Variants in PBX3 observed in about 807,000 individuals in gnomAD.
PBX3 encodes pre-B-cell leukemia transcription factor 3.
PBX3 carries 14 observed loss-of-function variants against 48.5 expected under a neutral mutation model. The observed-to-expected ratio is 0.29, with a 90% CI of 0.19 to 0.45. The LOEUF (loss-of-function observed/expected upper bound fraction) is 0.45, where lower values mean the gene tolerates loss of function less well. PBX3 is among the 20% of genes least tolerant of loss of function. The pLI is 1.00. For missense variants in PBX3, 386 were observed against 546.7 expected (o/e 0.71, Z 2.93); for synonymous variants, 210 against 200.3 (o/e 1.05, Z -0.41).
intron 2 of PBX3, among the ~76,000 whole-genome samples, chr9:125,888,721 A>G (rs1004259701): frequency 6.6e-6 from 1 of 152,168 alleles, no homozygotes; most frequent in Admixed American, 6.5e-5. Flanking sequence ...TTTCAGTCTA[A>G]ATGAATTCTA....
chr9:125,814,277 A>G (rs13291794), intron 2 of PBX3, among the ~76,000 whole-genome samples: 2,201 of 142,406 alleles, frequency 0.015, 29 homozygotes, highest in Non-Finnish European at 0.022. Flanking sequence ...ATTTTTCTAT[A>G]CTTTGAAAAG....
intron 2 of PBX3, among the ~76,000 whole-genome samples, chr9:125,886,319 T>A (rs1840500563): frequency 6.6e-6 from 1 of 152,112 alleles, no homozygotes; most frequent in Admixed American, 6.6e-5. Context: ...GCCTCTGATA[T>A]GGGAGGGGGA....
chr9:125,884,032 T>C (rs1404850917), intron 2 of PBX3, among the ~76,000 whole-genome samples: 1 of 152,202 alleles, frequency 6.6e-6, no homozygotes, highest in East Asian at 1.9e-4. Flanking sequence ...GATGAGCTTA[T>C]GTGTGAATAA....
At chr9:125,815,284 T>C (rs1838425300) in intron 2 of PBX3, among the ~76,000 whole-genome samples, 1 of 152,242 alleles carries the variant, frequency 6.6e-6, no homozygotes, top group Non-Finnish European at 1.5e-5. Flanking sequence ...TTCTCCTTCC[T>C]ATAGTCCCAC....
chr9:125,764,574 T>C lies in PBX3; in HGVS notation c.274+15951T>C, dbSNP rs535323536. Among the ~76,000 whole-genome samples the C allele has an allele frequency of 3.3e-5, 5 of 152,334 alleles. No individual in the cohort carries two copies. In the South Asian group the frequency reaches 1.0e-3, roughly 32 times the overall value. On this transcript the variant is annotated intron_variant, in intron 2 of 8. Coordinates refer to ENST00000373489, the MANE Select transcript of PBX3 (RefSeq NM_006195.6). ...AAGCAAGAATAAAGAGTTTATCGCC[T>C]TTTGGGGGAACTACATGCTATAAGA...
chr9:125,956,585 G>A (rs1048193857), intron 5 of PBX3, among the ~76,000 whole-genome samples: 5 of 152,190 alleles, frequency 3.3e-5, no homozygotes, highest in African/African-American at 1.2e-4. Flanking sequence ...TGCATAATGT[G>A]CACTACTCAT....
At chr9:125,787,889 G>A (rs569026742) in intron 2 of PBX3, among the ~76,000 whole-genome samples, 1 of 152,160 alleles carries the variant, frequency 6.6e-6, no homozygotes, top group Non-Finnish European at 1.5e-5. Context: ...ATGTGGCCCT[G>A]GGAGCTTGTG....
At chr9:125,791,470 G>A (rs1254447796) in intron 2 of PBX3, among the ~76,000 whole-genome samples, 2 of 151,924 alleles carry the variant, frequency 1.3e-5, no homozygotes, top group African/African-American at 4.8e-5. Flanking sequence ...ATTGCATCAT[G>A]GGGGGAGATT....
chr9:125,848,043 T>TG (rs1361758675), intron 2 of PBX3, among the ~76,000 whole-genome samples: 3 of 152,022 alleles, frequency 2.0e-5, no homozygotes, highest in Admixed American at 6.6e-5. Context: ...TCTAATGCGT[T>TG]GATGGTTCAC....
Position 125,939,761 on chromosome 9 carries a change from C to CGTAG in PBX3, c.843+4154_843+4155insGTAG, listed in dbSNP as rs1004648362. On this transcript the variant is annotated intron_variant, in intron 5 of 8. Transcript: ENST00000373489. ...TCAGCAATGGAAAAAGAATGATCTA[C>CGTAG]AAGTATCAATTCATGTTGAGTGAAA... Among the ~76,000 whole-genome samples the CGTAG allele has an allele frequency of 3.7e-4, 56 of 152,134 alleles. 1 individual carries two copies. Among genetic ancestry groups the CGTAG allele is most frequent in the African/African-American group, 1.3e-3 (54 of 41,424 alleles).
intron 2 of PBX3, among the ~76,000 whole-genome samples, chr9:125,755,414 A>C (rs190931273): frequency 7.5e-4 from 114 of 152,238 alleles, no homozygotes; most frequent in Middle Eastern, 3.4e-3. Context: ...GTGCGGTAAA[A>C]GTGTTTAGAG....
intron 2 of PBX3, among the ~76,000 whole-genome samples, chr9:125,862,934 G>A (rs752929683): frequency 1.4e-4 from 21 of 151,188 alleles, no homozygotes; most frequent in African/African-American, 3.9e-4. Context: ...TCACTCTGTC[G>A]CCCAGGCTGG....
At chr9:125,791,921 A>G (rs1837622729) in intron 2 of PBX3, among the ~76,000 whole-genome samples, 2 of 151,914 alleles carry the variant, frequency 1.3e-5, no homozygotes, top group South Asian at 2.1e-4. Flanking sequence ...AAGCCTCTCC[A>G]GCCGTGCTTC....
chr9:125,891,931 A>AT (rs1214765469), intron 2 of PBX3, among the ~76,000 whole-genome samples: 2 of 151,862 alleles, frequency 1.3e-5, no homozygotes, highest in Admixed American at 6.6e-5. Flanking sequence ...TATTTTATTA[A>AT]TTTTTTTGAG....
chr9:125,818,158 C>T lies in PBX3; in HGVS notation c.274+69535C>T, dbSNP rs1351585181. On this transcript the variant is annotated intron_variant, in intron 2 of 8. Transcript: ENST00000373489. ...AGGTTGCAGTGAGCTGAGATGGTGC[C>T]ACTGCACTCCAGCCTGGGTGACAGA... 2.0e-5 allele frequency among the ~76,000 whole-genome samples: 3 copies of T among 150,288 alleles called. No individual in the cohort carries two copies. The East Asian group carries it at 5.9e-4, about 30-fold the overall frequency.
At chr9:125,752,950 A>G (rs1299016151) in intron 2 of PBX3, among the ~76,000 whole-genome samples, 1 of 152,148 alleles carries the variant, frequency 6.6e-6, no homozygotes, top group East Asian at 1.9e-4. Context: ...CTTATTTTCA[A>G]GATTTTAACA....
At chr9:125,949,897 G>T (rs776263849) in intron 5 of PBX3, among the ~76,000 whole-genome samples, 1 of 152,180 alleles carries the variant, frequency 6.6e-6, no homozygotes, top group Non-Finnish European at 1.5e-5. Context: ...CTGGGATGCG[G>T]CTGTGTTGCC....
At chr9:125,812,841 G>A (rs560478868) in intron 2 of PBX3, among the ~76,000 whole-genome samples, 2 of 152,310 alleles carry the variant, frequency 1.3e-5, no homozygotes, top group African/African-American at 4.8e-5. Context: ...TAACACAGTG[G>A]TATTTGTGTA....
chr9:125,833,327 TA>T (rs1839020436), intron 2 of PBX3, among the ~76,000 whole-genome samples: 1 of 151,586 alleles, frequency 6.6e-6, no homozygotes, highest in African/African-American at 2.4e-5. Context: ...CTACTAAAAA[TA>T]GAAAAATTAG....
Sources: allele counts gnomAD v4.1 joint callset (sites outside exome capture counted in the v4.1 genomes callset), GRCh38; gene constraint gnomAD v4.1.1; transcripts MANE v1.5; gene names NCBI Gene and HGNC (gene_info 2026-07-23, HGNC 2026-07-21).